The following KLF12 variants were observed in gnomAD, a reference collection of about 807,000 sequenced individuals.
KLF12 encodes KLF transcription factor 12.
Under a neutral mutation model 37.8 loss-of-function variants are expected in KLF12, and 9 were observed. That is an observed-to-expected ratio of 0.24 (90% CI 0.14 to 0.42). The LOEUF (loss-of-function observed/expected upper bound fraction) is 0.42. Ranked by LOEUF, KLF12 falls within the 10% of genes least tolerant of loss-of-function variation. The pLI, the probability that KLF12 is intolerant of heterozygous loss-of-function variation, is 1.00. For synonymous variants in KLF12, 208 were observed against 202.1 expected (o/e 1.03, Z -0.25); for missense variants, 411 against 516.0 (o/e 0.80, Z 1.97).
chr13:73,937,249 C>T (rs932708934), intron 3 of KLF12, among the ~76,000 whole-genome samples: 17 of 152,130 alleles, frequency 1.1e-4, no homozygotes, highest in East Asian at 5.8e-4. Context: ...AACTCTGAAC[C>T]GGTATGCAAA....
intron 3 of KLF12, among the ~76,000 whole-genome samples, chr13:73,935,045 T>C (rs1213689799): frequency 6.6e-6 from 1 of 151,938 alleles, no homozygotes; most frequent in African/African-American, 2.4e-5. Context: ...AGTGGCACGA[T>C]CTCAACTTAT....
At chr13:73,709,954 G>A (rs7320764) in intron 7 of KLF12, among the ~76,000 whole-genome samples, 119,228 of 152,122 alleles carry the variant, frequency 0.78, 47,039 homozygotes, top group Middle Eastern at 0.89. Flanking sequence ...CAAAAATAAT[G>A]AAAGCAAAGT....
chr13:74,169,420 A>G, the KLF12 span, among the ~76,000 whole-genome samples: 1 of 152,238 alleles, frequency 6.6e-6, no homozygotes, highest in Non-Finnish European at 1.5e-5. Flanking sequence ...AATATTAAAC[A>G]ATTGCAGAGC....
chr13:73,730,252 G>GCTCT (rs1486910766), intron 6 of KLF12, among the ~76,000 whole-genome samples: 3 of 152,136 alleles, frequency 2.0e-5, no homozygotes, highest in Non-Finnish European at 4.4e-5. Context: ...TTGCTGGGGA[G>GCTCT]CTCTCAGCTC....
intron 1 of KLF12, among the ~76,000 whole-genome samples, chr13:74,074,370 A>C (rs188989672): frequency 0.01 from 1,554 of 152,322 alleles, 27 homozygotes; most frequent in African/African-American, 0.035. Context: ...CCAAGAGGCC[A>C]AACAGGGTTC....
At position 73,691,561 on chromosome 13, in the gene KLF12, T is replaced by C. The variant is rs1873823685; in HGVS notation, c.*3929A>G. 1 of 152,642 alleles carries C rather than the reference T, an allele frequency of 6.6e-6. No individual in the cohort carries two copies. Among genetic ancestry groups the C allele is most frequent in the Admixed American group, 6.5e-5 (1 of 15,276 alleles). 9.5% of individuals were successfully genotyped at this position (152,642 alleles called of 1,614,324 possible). Reference sequence around the variant, plus strand: ...ACATGGATGCTGGTATTCTTAACACTGCTTAATTTCTGTCAATCCTCACTA... The same window carrying C: ...ACATGGATGCTGGTATTCTTAACACCGCTTAATTTCTGTCAATCCTCACTA... On this transcript the variant is annotated 3_prime_UTR_variant, in exon 8 of 8. Coordinates refer to ENST00000377669, the MANE Select transcript of KLF12 (RefSeq NM_007249.5).
chr13:73,988,069 G>A (rs1891875374), intron 2 of KLF12, among the ~76,000 whole-genome samples: 1 of 152,208 alleles, frequency 6.6e-6, no homozygotes, highest in Admixed American at 6.5e-5. Flanking sequence ...CTTAGGAGAA[G>A]GGCTCCTGTC....
At position 73,841,611 on chromosome 13, in the gene KLF12, T is replaced by A. The variant is rs141598856; in HGVS notation, c.670+4216A>T. 4.3e-4 allele frequency among the ~76,000 whole-genome samples: 65 copies of A among 152,222 alleles called. No homozygotes were observed. In the East Asian group the frequency reaches 9.5e-3, roughly 22 times the overall value. On this transcript the variant is annotated intron_variant, in intron 4 of 7. Transcript: ENST00000377669. ...AAACTTACCCAAAAAGGACTTAAAT[T>A]CCTTTGTGAGGTCAAATAATTCCTT...
intron 3 of KLF12, among the ~76,000 whole-genome samples, chr13:73,894,665 T>C (rs1366661505): frequency 1.3e-5 from 2 of 152,210 alleles, no homozygotes; most frequent in Non-Finnish European, 2.9e-5. Flanking sequence ...TTAGTACTTT[T>C]TGTATCGCAT....
At chr13:73,873,416 A>C (rs979657574) in intron 3 of KLF12, among the ~76,000 whole-genome samples, 1 of 152,188 alleles carries the variant, frequency 6.6e-6, no homozygotes, top group Non-Finnish European at 1.5e-5. Context: ...AATTCTCAAA[A>C]TCTGGTTCAT....
intron 1 of KLF12, among the ~76,000 whole-genome samples, chr13:74,105,814 C>T (rs1404580100): frequency 6.6e-6 from 1 of 152,162 alleles, no homozygotes; most frequent in Non-Finnish European, 1.5e-5. Flanking sequence ...GCCTAATTCT[C>T]TCCAAAGGAG....
rs181995526 is a variant in KLF12, at chr13:73,886,176, T to C, written c.124-39803A>G. On this transcript the variant is annotated intron_variant, in intron 3 of 7. Transcript: ENST00000377669. ...TCACAAAGATGAAGGTCTGAAATTC[T>C]AGCCTTCACATGCCATGTATCCTCA... 2.6e-5 allele frequency among the ~76,000 whole-genome samples: 4 copies of C among 152,316 alleles called. No homozygotes were observed. The East Asian group carries it at 7.7e-4, about 29-fold the overall frequency.
intron 5 of KLF12, among the ~76,000 whole-genome samples, chr13:73,787,120 G>T (rs1383295992): frequency 6.6e-6 from 1 of 152,036 alleles, no homozygotes; most frequent in Admixed American, 6.6e-5. Flanking sequence ...TTTATATGAT[G>T]GTAAGTTTTC....
intron 1 of KLF12, among the ~76,000 whole-genome samples, chr13:74,100,413 T>C (rs568046481): frequency 2.0e-5 from 3 of 152,134 alleles, no homozygotes; most frequent in Non-Finnish European, 4.4e-5. Context: ...AGGTCAAGCA[T>C]TCAAGGCAAG....
the KLF12 span, among the ~76,000 whole-genome samples, chr13:74,286,639 C>T: frequency 6.5e-4 from 99 of 152,252 alleles, no homozygotes; most frequent in African/African-American, 1.9e-3. Flanking sequence ...GCTGACATCA[C>T]GTTTACAGGG....
intron 1 of KLF12, among the ~76,000 whole-genome samples, chr13:74,015,580 T>C (rs929819058): frequency 6.6e-6 from 1 of 152,290 alleles, no homozygotes; most frequent in South Asian, 2.1e-4. Context: ...AAAATATTCA[T>C]TAATTTAAGC....
intron 1 of KLF12, among the ~76,000 whole-genome samples, chr13:74,057,615 G>C (rs1213598533): frequency 1.3e-5 from 2 of 152,178 alleles, no homozygotes; most frequent in Non-Finnish European, 2.9e-5. Flanking sequence ...CTTATCCCCA[G>C]TCATTGATAT....
At chr13:74,187,293 C>T in the KLF12 span, among the ~76,000 whole-genome samples, 1 of 151,718 alleles carries the variant, frequency 6.6e-6, no homozygotes, top group African/African-American at 2.4e-5. Flanking sequence ...CACTGCACTC[C>T]AGCCTGGGTG....
chr13:74,014,072 G>T (rs921210622), intron 1 of KLF12, among the ~76,000 whole-genome samples: 20 of 151,990 alleles, frequency 1.3e-4, no homozygotes, highest in African/African-American at 4.6e-4. Context: ...ACTTGCAGGG[G>T]GCAGGAACCT....
Sources: gnomAD v4.1 joint callset for allele counts (sites outside exome capture counted in the v4.1 genomes callset) on GRCh38, gnomAD v4.1.1 for gene constraint, MANE v1.5 for transcripts, NCBI Gene and HGNC (gene_info 2026-07-23, HGNC 2026-07-21) for gene names.